The following LIFR variants were observed in gnomAD, a reference collection of about 807,000 sequenced individuals.
LIFR encodes leukemia inhibitory factor receptor.
LIFR carries 84 observed loss-of-function variants against 122.2 expected under a neutral mutation model. The observed-to-expected ratio is 0.69, with a 90% confidence interval of 0.58 to 0.82. The LOEUF is 0.82. Among genes scored for constraint, LIFR ranks in the 40% least tolerant of loss-of-function variants. The probability of loss-of-function intolerance (pLI) is 0.00; values close to 1 mark genes in which losing one functional copy is unlikely to be tolerated. For missense variants in LIFR, 1,294 were observed against 1,311.6 expected (o/e 0.99, Z 0.21); for synonymous variants, 422 against 434.7 (o/e 0.97, Z 0.36).
chr5:38,559,557 A>G (rs985937777), upstream of LIFR, among the ~76,000 whole-genome samples: 3 of 152,158 alleles, frequency 2.0e-5, no homozygotes, highest in Non-Finnish European at 2.9e-5. Context: ...ACTTTTTGCA[A>G]TTTCATGAAG....
chr5:38,491,529 C>T (rs1561138389), intron 14 of LIFR, among the ~76,000 whole-genome samples: 2 of 152,062 alleles, frequency 1.3e-5, no homozygotes. Context: ...AAGATAATGC[C>T]GGGGGACACG....
intron 5 of LIFR, among the ~76,000 whole-genome samples, chr5:38,522,189 G>A (rs1580105165): frequency 6.6e-6 from 1 of 152,134 alleles, no homozygotes; most frequent in Non-Finnish European, 1.5e-5. Context: ...CTTCACTCAC[G>A]CTTCAGCCTT....
chr5:38,531,526 T>G (rs141637207), intron 1 of LIFR, among the ~76,000 whole-genome samples: 197 of 152,046 alleles, frequency 1.3e-3, no homozygotes, highest in African/African-American at 4.4e-3. Context: ...TAGTGTCCTC[T>G]GAGCAAACAT....
chr5:38,582,058 C>CTTTTTTTTTTTTTTTTTTTTT (rs35430300), intron 1 of LIFR, among the ~76,000 whole-genome samples: 2 of 145,216 alleles, frequency 1.4e-5, no homozygotes, highest in African/African-American at 2.5e-5. Flanking sequence ...TTTTTTTTTC[C>CTTTTTTTTTTTTTTTTTTTTT]TTTTTTTTTT....
intron 1 of LIFR, among the ~76,000 whole-genome samples, chr5:38,593,285 C>A (rs1293217556): frequency 6.6e-6 from 1 of 151,984 alleles, no homozygotes; most frequent in African/African-American, 2.4e-5. Context: ...CAGTATGAAA[C>A]TGGGGGGGAT....
At chr5:38,489,527 G>A (rs1274261077) in intron 15 of LIFR, among the ~76,000 whole-genome samples, 1 of 152,048 alleles carries the variant, frequency 6.6e-6, no homozygotes, top group Admixed American at 6.6e-5. Flanking sequence ...TCTTTCAGTG[G>A]CTATTCAGAT....
At position 38,496,495 on chromosome 5, in the gene LIFR, T is replaced by G; in HGVS notation, c.1772A>C (p.Gln591Pro). 6.2e-7 allele frequency: 1 copy of G among 1,613,742 alleles called. No homozygotes were observed. The highest frequency in any genetic ancestry group is 8.5e-7 in the Non-Finnish European group (1 of 1,179,556). The change falls in exon 13 of 20, where the codon CAG becomes CCG. Residue 591 changes from glutamine (Q) to proline (P), a missense_variant. Transcript: ENST00000453190. ...ATCAAGTCGTATCTCTGCTTTGTGC[T>G]GAGGATCAGGGATTTCAGAAAGGGA... ...TQSLSEIPDPQHKAEIRLDKN... is the reference protein window; with the variant it reads ...TQSLSEIPDPPHKAEIRLDKN...
At chr5:38,512,455 C>G (rs1028255096) in intron 5 of LIFR, among the ~76,000 whole-genome samples, 53 of 150,446 alleles carry the variant, frequency 3.5e-4, no homozygotes, top group Non-Finnish European at 1.5e-4. Context: ...CCCATCTCTA[C>G]AAAAAAATAA....
At chr5:38,490,405 T>A in intron 14 of LIFR, 114 bp from the exon 15 acceptor site, 1 of 507,592 alleles carries the variant, frequency 2.0e-6, no homozygotes. Flanking sequence ...TTTAAAGATG[T>A]TTTCTTATTA....
intron 1 of LIFR, among the ~76,000 whole-genome samples, chr5:38,573,502 T>G (rs1192593777): frequency 6.6e-6 from 1 of 152,198 alleles, no homozygotes; most frequent in East Asian, 1.9e-4. Flanking sequence ...GTTCCTAGAA[T>G]GAAAATCTAC....
intron 2 of LIFR, 125 bp from the exon 3 acceptor site, chr5:38,528,965 T>C: frequency 1.5e-6 from 1 of 673,336 alleles, no homozygotes; most frequent in Non-Finnish European, 2.7e-6. Context: ...AGCATGTGTG[T>C]CTGCAGAGAG....
chr5:38,481,675 G>C lies in LIFR; in HGVS notation c.3214C>G (p.Pro1072Ala). The C allele has an allele frequency of 6.2e-7, 1 of 1,614,108 alleles. No individual in the cohort carries two copies. The highest frequency in any genetic ancestry group is 8.5e-7 in the Non-Finnish European group (1 of 1,179,998). ...SINSRQFLIPPKDEDSPKSNG... is the reference protein window; with the variant it reads ...SINSRQFLIPAKDEDSPKSNG... ...GATTTAGGAGAGTCTTCATCTTTAG[G>C]AGGAATCAAAAATTGTCGGGAATTA... Residue 1072 changes from proline to alanine, a missense_variant, in exon 20 of 20, where the codon CCT becomes GCT. Transcript: ENST00000453190.
chr5:38,509,927 A>T (rs1745706030), intron 7 of LIFR, among the ~76,000 whole-genome samples: 1 of 152,214 alleles, frequency 6.6e-6, no homozygotes, highest in Non-Finnish European at 1.5e-5. Context: ...ATGACAGAGC[A>T]TACAACATAT....
chr5:38,568,619 G>A (rs1226820178), intron 1 of LIFR, among the ~76,000 whole-genome samples: 7 of 152,180 alleles, frequency 4.6e-5, no homozygotes, highest in Non-Finnish European at 7.3e-5. Flanking sequence ...GCTGAGTAGG[G>A]AGTGACCATG....
At chr5:38,561,690 T>C (rs1372892714) in intron 1 of LIFR, among the ~76,000 whole-genome samples, 2 of 152,210 alleles carry the variant, frequency 1.3e-5, no homozygotes, top group Non-Finnish European at 2.9e-5. Flanking sequence ...CTACTACCAC[T>C]CCTAAGTCTA....
chr5:38,588,236 A>G (rs890153206), intron 1 of LIFR, among the ~76,000 whole-genome samples: 2 of 152,204 alleles, frequency 1.3e-5, no homozygotes, highest in East Asian at 1.9e-4. Context: ...ACACAGGTGG[A>G]AAGTTCTAGG....
chr5:38,592,643 C>T (rs1197853113), intron 1 of LIFR, among the ~76,000 whole-genome samples: 4 of 122,738 alleles, frequency 3.3e-5, no homozygotes, highest in African/African-American at 1.0e-4. Context: ...GGCGACAGAG[C>T]GAGACTCCGT....
chr5:38,591,935 A>C (rs900991230), intron 1 of LIFR, among the ~76,000 whole-genome samples: 2 of 152,210 alleles, frequency 1.3e-5, no homozygotes, highest in Non-Finnish European at 2.9e-5. Flanking sequence ...CAGAGAGCTG[A>C]GTCTCTGAGA....
Position 38,490,423 on chromosome 5 carries a change from C to T in LIFR, c.2066-132G>A, listed in dbSNP as rs150375666. The T allele has an allele frequency of 7.6e-4, 347 of 457,182 alleles. 4 individuals are homozygous for T. Among genetic ancestry groups the T allele is most frequent in the African/African-American group, 6.7e-3 (333 of 49,398 alleles). 28.3% of individuals were successfully genotyped at this position (457,182 alleles called of 1,614,324 possible). A position where few individuals can be genotyped will look rare whatever the true frequency, so the allele number is the denominator to read the frequency against. Reference sequence around the variant, plus strand: ...AAAGATGTTTTCTTATTAAAAAATACATATATATTTTAAAGACTAGTAAAT... The same window carrying T: ...AAAGATGTTTTCTTATTAAAAAATATATATATATTTTAAAGACTAGTAAAT... On this transcript the variant is annotated intron_variant, in intron 14 of 19. Coordinates refer to ENST00000453190, the MANE Select transcript of LIFR (RefSeq NM_001127671.2).
Sources: gnomAD v4.1 joint callset for allele counts (sites outside exome capture counted in the v4.1 genomes callset) on GRCh38, gnomAD v4.1.1 for gene constraint, MANE v1.5 for transcripts, NCBI Gene and HGNC (gene_info 2026-07-23, HGNC 2026-07-21) for gene names.